The following ADAT1 variants were observed in gnomAD, a reference collection of about 807,000 sequenced individuals.
ADAT1 encodes the protein adenosine deaminase tRNA specific 1.
In ADAT1, 58 loss-of-function variants were observed where a neutral mutation model predicts 58.6. The ratio of observed to expected loss-of-function variants is 0.99; its 90% CI spans 0.80 to 1.23. The LOEUF (loss-of-function observed/expected upper bound fraction) is 1.23, where lower values mean the gene tolerates loss of function less well. Among genes scored for constraint, ADAT1 ranks in the 50% most tolerant of loss-of-function variants. ADAT1 has a pLI of 0.00. For synonymous variants in ADAT1, 254 were observed against 220.8 expected (o/e 1.15, Z -1.33); for missense variants, 741 against 608.6 (o/e 1.22, Z -2.29).
intron 8 of ADAT1, among the ~76,000 whole-genome samples, chr16:75,604,452 AAAAAATAT>A (rs1381001592): frequency 2.0e-4 from 16 of 79,906 alleles, no homozygotes; most frequent in East Asian, 1.6e-3. Flanking sequence ...AAAAAAAAAA[AAAAAATAT>A]ATATATATAT....
At position 75,599,775 on chromosome 16, in the gene ADAT1, G is replaced by A. The variant is rs983372470; in HGVS notation, c.*441C>T. ...ATCACTGAAGAATGGGAAAAGAATG[G>A]CTCCCTGAAGAAAGAAAGGCTGGGA... On this transcript the variant is annotated 3_prime_UTR_variant, in exon 10 of 10. Transcript: ENST00000564657. 2 of 992,686 alleles carry A rather than the reference G, an allele frequency of 2.0e-6. No individual in the cohort carries two copies. Among genetic ancestry groups the A allele is most frequent in the Middle Eastern group, 5.2e-4 (1 of 1,930 alleles). The allele number at this position is 992,686 out of a possible 1,614,324, so 61.5% of individuals were successfully genotyped here. A position where few individuals can be genotyped will look rare whatever the true frequency, so the allele number is the denominator to read the frequency against.
intron 3 of ADAT1, chr16:75,619,893 CAA>C (rs750598792): frequency 0.042 from 4,046 of 96,992 alleles, no homozygotes; most frequent in South Asian, 0.079. Context: ...GACTCCGAGT[CAA>C]AAAAAAAAAA....
In ADAT1 at chr16:75,620,836, C is replaced by CAACCATCAGAAGT. The variant is rs1269035294; in HGVS notation, c.-21-29_-21-17dup. On this transcript the variant is annotated splice_polypyrimidine_tract_variant and intron_variant, in intron 1 of 9. Coordinates refer to ENST00000564657, the MANE Select transcript of ADAT1 (RefSeq NM_001324445.2). ...GTATTGAGACCTTGATCAAAAACCA[C>CAACCATCAGAAGT]AACCATCAGAAGTACGGAAAGGAGA... 2.6e-5 allele frequency: 42 copies of CAACCATCAGAAGT among 1,590,728 alleles called. No individual in the cohort carries two copies. Among genetic ancestry groups the CAACCATCAGAAGT allele is most frequent in the Non-Finnish European group, 3.6e-5 (42 of 1,163,830 alleles).
At chr16:75,602,980 T>C (rs1597090756) in intron 9 of ADAT1, 105 bp downstream of exon 9, 2 of 967,818 alleles carry the variant, frequency 2.1e-6, no homozygotes, top group Non-Finnish European at 1.6e-6. Context: ...TAAGTGCCAC[T>C]GGCTTGCTGA....
At chr16:75,614,748 C>G (rs1205189692) in intron 5 of ADAT1, among the ~76,000 whole-genome samples, 1 of 152,168 alleles carries the variant, frequency 6.6e-6, no homozygotes, top group Non-Finnish European at 1.5e-5. Flanking sequence ...TTATTAATTA[C>G]TCATAGGATG....
chr16:75,620,993 A>T (rs2081916412), intron 1 of ADAT1, among the ~76,000 whole-genome samples, 173 bp from the exon 2 acceptor site: 1 of 152,138 alleles, frequency 6.6e-6, no homozygotes, highest in Admixed American at 6.5e-5. Flanking sequence ...TTCATCTTTA[A>T]TGAAAGATCA....
chr16:75,602,507 C>A (rs1176483421), intron 9 of ADAT1, among the ~76,000 whole-genome samples: 2 of 152,120 alleles, frequency 1.3e-5, no homozygotes, highest in East Asian at 1.9e-4. Flanking sequence ...AAATTTGTAG[C>A]CAGTTGGTCA....
rs1402985758 is a variant in ADAT1 at position 75,623,105 on chromosome 16, G to A, written c.-724C>T. 6.6e-6 allele frequency: 1 copy of A among 152,314 alleles called. No individual in the cohort carries two copies. The highest frequency in any genetic ancestry group is 6.5e-5 in the Admixed American group (1 of 15,288). The allele number at this position is 152,314 out of a possible 1,614,324, so 9.4% of individuals were successfully genotyped here. A position where few individuals can be genotyped will look rare whatever the true frequency, so the allele number is the denominator to read the frequency against. On this transcript the variant is annotated 5_prime_UTR_variant, in exon 1 of 10. Coordinates refer to ENST00000564657, the MANE Select transcript of ADAT1 (RefSeq NM_001324445.2). ...GGCTGCTGACAGTTCCAGGCGTGGA[G>A]CGCCTTCCCACGTGAAACGCGTCCC...
chr16:75,605,466 A>G (rs2081344094), intron 8 of ADAT1, among the ~76,000 whole-genome samples: 1 of 152,190 alleles, frequency 6.6e-6, no homozygotes, highest in African/African-American at 2.4e-5. Flanking sequence ...AATACACATA[A>G]CATACATAAT....
intron 6 of ADAT1, among the ~76,000 whole-genome samples, chr16:75,609,992 C>T (rs1337782776): frequency 1.3e-5 from 2 of 152,356 alleles, no homozygotes; most frequent in African/African-American, 2.4e-5. Flanking sequence ...GCATGAGCCA[C>T]AGCACCTAGC....
intron 4 of ADAT1, among the ~76,000 whole-genome samples, chr16:75,617,807 C>G (rs75271927): frequency 0.12 from 17,768 of 151,276 alleles, 2,632 homozygotes; most frequent in East Asian, 0.72. Context: ...CTAGTCCAGG[C>G]CAGGATTGTG....
Position 75,603,172 on chromosome 16 carries a change from C to T in ADAT1, c.1290-1G>A. 1 of 1,613,500 alleles carries T rather than the reference C, an allele frequency of 6.2e-7. No individual in the cohort carries two copies. The highest frequency in any genetic ancestry group is 8.5e-7 in the Non-Finnish European group (1 of 1,179,564). On this transcript the variant is annotated splice_acceptor_variant, in intron 8 of 9. Coordinates refer to ENST00000564657, the MANE Select transcript of ADAT1 (RefSeq NM_001324445.2). LOFTEE classifies it high-confidence loss of function. ...GAGTTCCACTTTGCTGATTTGGGAT[C>T]TGTTTGGAAAAAGAAGGCAAAGATG... is the stretch of plus-strand genomic sequence containing the variant.
In ADAT1 at chr16:75,620,251, C is replaced by T. The variant is rs753962710; in HGVS notation, c.238+15G>A. The T allele has an allele frequency of 2.5e-6, 4 of 1,613,452 alleles. No individual in the cohort carries two copies. The highest frequency in any genetic ancestry group is 2.2e-5 in the East Asian group (1 of 44,886). On this transcript the variant is annotated intron_variant, in intron 3 of 9. Coordinates refer to ENST00000564657, the MANE Select transcript of ADAT1 (RefSeq NM_001324445.2). The stretch of plus-strand genomic sequence containing the variant: ...TTCAAGCTAAATCTTTGTTTAGATT[C>T]CCACCCGTGCTTACCGTTCTTCCTC...
chr16:75,611,875 T>C (rs994522451), intron 6 of ADAT1, among the ~76,000 whole-genome samples: 4 of 151,842 alleles, frequency 2.6e-5, no homozygotes, highest in African/African-American at 4.8e-5. Flanking sequence ...CTGACCAACA[T>C]GGTGAAACCC....
At chr16:75,612,152 A>G in intron 6 of ADAT1, 91 bp downstream of exon 6, 1 of 1,385,624 alleles carries the variant, frequency 7.2e-7, no homozygotes, top group South Asian at 1.4e-5. Flanking sequence ...TGCTGGATCA[A>G]AAGGTATGGA....
intron 1 of ADAT1, 94 bp from the exon 2 acceptor site, chr16:75,620,914 G>A: frequency 1.9e-6 from 2 of 1,072,878 alleles, no homozygotes; most frequent in Non-Finnish European, 2.6e-6. Flanking sequence ...TCTTTCAAAT[G>A]GAGCAGACCG....
In ADAT1 at chr16:75,620,623, A is replaced by C; in HGVS notation, c.169+8T>G. The C allele has an allele frequency of 6.2e-7, 1 of 1,612,210 alleles. No individual in the cohort carries two copies. Among genetic ancestry groups the C allele is most frequent in the South Asian group, 1.1e-5 (1 of 90,948 alleles). ...AGTGAGGAGCATGCCAAGAAGAAAA[A>C]GTCTCACCTTGCACCGGCTTATCAG... On this transcript the variant is annotated splice_region_variant and intron_variant, in intron 2 of 9. Transcript: ENST00000564657.
chr16:75,618,640 C>G lies in ADAT1; in HGVS notation c.239G>C (p.Gly80Ala). The stretch of plus-strand genomic sequence containing the variant: ...AGCATGGCTATCATTGAGGATGTCT[C>G]CTGCGGCAAAGATAGGACACCAGGT... ...CIGQSKMRKNGDILNDSHAEV... is the reference protein window; with the variant it reads ...CIGQSKMRKNADILNDSHAEV... The change falls in exon 4 of 10, where the codon GGA (glycine) becomes GCA (alanine). Residue 80 changes from glycine to alanine, a missense_variant and splice_region_variant. Physicochemically the swap from Gly to Ala is moderately conservative, Grantham distance 60 (BLOSUM62 0). Transcript: ENST00000564657. 1 of 1,612,800 alleles carries G rather than the reference C, an allele frequency of 6.2e-7. No individual in the cohort carries two copies. The highest frequency in any genetic ancestry group is 1.3e-5 in the African/African-American group (1 of 74,896).
At chr16:75,616,209 T>C (rs977072005) in intron 5 of ADAT1, among the ~76,000 whole-genome samples, 1 of 152,140 alleles carries the variant, frequency 6.6e-6, no homozygotes, top group Admixed American at 6.5e-5. Context: ...GGTTTCTCCA[T>C]GTTGGTCAGG....
Sources: gnomAD v4.1 joint callset for allele counts (sites outside exome capture counted in the v4.1 genomes callset) on GRCh38, gnomAD v4.1.1 for gene constraint, MANE v1.5 for transcripts, NCBI Gene and HGNC (gene_info 2026-07-23, HGNC 2026-07-21) for gene names.